AGL: variants seen among roughly 807,000 people sequenced by gnomAD.
The protein encoded by AGL is amylo-alpha-1,6-glucosidase and 4-alpha-glucanotransferase.
In AGL, 128 loss-of-function variants were observed where a neutral mutation model predicts 199.3. The observed-to-expected ratio is 0.64, with a 90% confidence interval of 0.56 to 0.74. The LOEUF is 0.74. AGL is among the 30% of genes least tolerant of loss of function. The pLI is 0.00. For synonymous variants in AGL, 584 were observed against 594.7 expected (o/e 0.98, Z 0.26); for missense variants, 1,809 against 1,820.8 (o/e 0.99, Z 0.12).
rs1045491040 is a variant in AGL, at chr1:99,922,722, T to A, written c.*1071T>A. On this transcript the variant is annotated 3_prime_UTR_variant, in exon 34 of 34. Transcript: ENST00000361915. ...CATAGAACTTATTTCCTAGATAGAA[T>A]TTTTTACTGTTTTTTACTGTTTTCT... The A allele has an allele frequency of 6.6e-6, 1 of 152,018 alleles. No individual in the cohort carries two copies. The highest frequency in any genetic ancestry group is 1.5e-5 in the Non-Finnish European group (1 of 67,906). 9.4% of individuals were successfully genotyped at this position (152,018 alleles called of 1,614,324 possible).
intron 5 of AGL, among the ~76,000 whole-genome samples, chr1:99,866,826 A>ATTTATTTCAT (rs1553184052): frequency 6.7e-6 from 1 of 148,768 alleles, no homozygotes; most frequent in East Asian, 2.0e-4. Flanking sequence ...TATTTATTTT[A>ATTTATTTCAT]TTTTTTTTTG....
At chr1:99,852,032 T>G (rs955365241) in intron 2 of AGL, among the ~76,000 whole-genome samples, 12 of 152,192 alleles carry the variant, frequency 7.9e-5, no homozygotes, top group Non-Finnish European at 1.0e-4. Flanking sequence ...GTTTTGATTT[T>G]TTTTTCCCCC....
chr1:99,876,116 C>G (rs919709549), intron 10 of AGL, among the ~76,000 whole-genome samples: 7 of 152,128 alleles, frequency 4.6e-5, no homozygotes, highest in Non-Finnish European at 1.0e-4. Context: ...CTCAGGTAAT[C>G]CCCCTGCCTC....
chr1:99,921,048 A>G (rs1655479300), intron 33 of AGL, among the ~76,000 whole-genome samples: 1 of 152,176 alleles, frequency 6.6e-6, no homozygotes, highest in Admixed American at 6.5e-5. Flanking sequence ...ATAAATACCA[A>G]GTTTATTATT....
chr1:99,921,296 TG>T (rs1190732983), intron 33 of AGL, among the ~76,000 whole-genome samples: 1 of 152,190 alleles, frequency 6.6e-6, no homozygotes, highest in Non-Finnish European at 1.5e-5. Context: ...GTTTCTTCTA[TG>T]TTTTTAATAC....
chr1:99,862,206 A>AT (rs757519777), intron 3 of AGL, 51 bp from the exon 4 acceptor site: 19 of 1,559,330 alleles, frequency 1.2e-5, no homozygotes, highest in African/African-American at 1.4e-5. Flanking sequence ...TTATATGAGG[A>AT]TTTTTTTTCT....
intron 30 of AGL, among the ~76,000 whole-genome samples, chr1:99,914,125 G>GA (rs1474927571): frequency 2.7e-5 from 4 of 150,832 alleles, no homozygotes; most frequent in African/African-American, 4.9e-5. Context: ...CACCATATTT[G>GA]AAAAGAAAAG....
chr1:99,877,846 A>G lies in AGL; in HGVS notation c.1611+18A>G. ...TAGCTGAGGTACAGAAAAACAATTT[A>G]TCTACATTAAGAAAAGAAATTCAGT... On this transcript the variant is annotated intron_variant, in intron 12 of 33. Coordinates refer to ENST00000361915, the MANE Select transcript of AGL (RefSeq NM_000642.3). 1.9e-6 allele frequency: 3 copies of G among 1,611,446 alleles called. No homozygotes were observed. Among genetic ancestry groups the G allele is most frequent in the Non-Finnish European group, 2.5e-6 (3 of 1,177,848 alleles).
At chr1:99,849,659 T>C (rs1648763859), upstream of AGL, among the ~76,000 whole-genome samples, 1 of 152,208 alleles carries the variant, frequency 6.6e-6, no homozygotes, top group South Asian at 2.1e-4. Flanking sequence ...GATGGACACG[T>C]GTTGGCTGGA....
chr1:99,879,345 T>G (rs1651819830), intron 12 of AGL, among the ~76,000 whole-genome samples: 1 of 150,568 alleles, frequency 6.6e-6, no homozygotes, highest in South Asian at 2.1e-4. Context: ...CCAACACTTT[T>G]AGGCTCAGGC....
intron 14 of AGL, 104 bp downstream of exon 14, chr1:99,880,899 T>G (rs1651961307): frequency 7.1e-7 from 1 of 1,404,966 alleles, no homozygotes; most frequent in Admixed American, 1.7e-5. Context: ...AAATAGTGTC[T>G]TAGATTTATA....
chr1:99,918,904 G>A (rs1655319268), intron 33 of AGL, among the ~76,000 whole-genome samples: 1 of 151,750 alleles, frequency 6.6e-6, no homozygotes, highest in African/African-American at 2.4e-5. Context: ...TGGCTGGTGG[G>A]AACAAGCAAG....
rs1359038968 is a variant in AGL at position 99,880,975 on chromosome 1, G to T, written c.1900-101G>T. ...TTAAAAGCAAATTAATTTACCTTAT[G>T]AATTTATTTATGTAATTATCCTTTT... is the stretch of plus-strand genomic sequence containing the variant. On this transcript the variant is annotated intron_variant, in intron 14 of 33. Transcript: ENST00000361915. The T allele has an allele frequency of 7.3e-6, 9 of 1,235,278 alleles. No homozygotes were observed. In the South Asian group the frequency reaches 1.1e-4, roughly 15 times the overall value. 76.5% of individuals were successfully genotyped at this position (1,235,278 alleles called of 1,614,324 possible). A position where few individuals can be genotyped will look rare whatever the true frequency, so the allele number is the denominator to read the frequency against.
chr1:99,859,022 AC>A (rs1649808785), intron 2 of AGL, among the ~76,000 whole-genome samples: 3 of 152,098 alleles, frequency 2.0e-5, no homozygotes, highest in South Asian at 2.1e-4. Flanking sequence ...ATGAGTTTTA[AC>A]CTTTGCTCTG....
intron 5 of AGL, among the ~76,000 whole-genome samples, chr1:99,867,882 C>T (rs183476549): frequency 1.3e-5 from 2 of 152,276 alleles, no homozygotes; most frequent in African/African-American, 2.4e-5. Flanking sequence ...TTTCTCCACC[C>T]AGCCCCTACT....
Position 99,870,787 on chromosome 1 carries a change from T to A in AGL, c.876T>A (p.Ile292=), listed in dbSNP as rs1425599637. The change falls in exon 7 of 34, where the codon ATT becomes ATA. Residue 292 remains isoleucine, a synonymous_variant. Transcript: ENST00000361915. ...NSIRKIIWED[I]FPKLKLWEFF... The stretch of plus-strand genomic sequence containing the variant: ...TCCGAAAAATAATTTGGGAGGATAT[T>A]TTTCCAAAGCTTAAACTCTGGGAAT... 6.2e-7 allele frequency: 1 copy of A among 1,610,648 alleles called. No individual in the cohort carries two copies. The highest frequency in any genetic ancestry group is 2.2e-5 in the East Asian group (1 of 44,730).
At chr1:99,865,125 T>C (rs913388145) in intron 5 of AGL, among the ~76,000 whole-genome samples, 1 of 152,138 alleles carries the variant, frequency 6.6e-6, no homozygotes, top group African/African-American at 2.4e-5. Context: ...AGTTACTTAA[T>C]AGCCTGCTCA....
At position 99,900,848 on chromosome 1, in the gene AGL, C is replaced by T. The variant is rs770156318; in HGVS notation, c.3575C>T (p.Pro1192Leu). ...MYPTDDSAPLPAGTLDQPLFE... is the reference protein window; with the variant it reads ...MYPTDDSAPLLAGTLDQPLFE... ...CCTACAGATGATTCTGCTCCTTTGCCTGCTGGCACACTGGTAAAGATATTT... is the reference window on the plus strand; with the variant it reads ...CCTACAGATGATTCTGCTCCTTTGCTTGCTGGCACACTGGTAAAGATATTT... Residue 1192 changes from proline to leucine, a missense_variant, in exon 26 of 34, where the codon CCT (proline) becomes CTT (leucine). Transcript: ENST00000361915. 6.2e-7 allele frequency: 1 copy of T among 1,609,492 alleles called. No individual in the cohort carries two copies. The highest frequency in any genetic ancestry group is 8.5e-7 in the Non-Finnish European group (1 of 1,176,684).
At chr1:99,876,685 C>A in intron 11 of AGL, 88 bp downstream of exon 11, 1 of 1,444,858 alleles carries the variant, frequency 6.9e-7, no homozygotes, top group Non-Finnish European at 9.7e-7. Flanking sequence ...TTTTCTTCCC[C>A]ATTAGTCTAT....
Sources: allele counts gnomAD v4.1 joint callset (sites outside exome capture counted in the v4.1 genomes callset), GRCh38; gene constraint gnomAD v4.1.1; transcripts MANE v1.5; gene names NCBI Gene and HGNC (gene_info 2026-07-23, HGNC 2026-07-21).